Variants in STK25 observed in about 807,000 individuals in gnomAD.
The protein encoded by STK25 is serine/threonine-protein kinase 25.
In STK25, 29 loss-of-function variants were observed where a neutral mutation model predicts 53.8. The ratio of observed to expected loss-of-function variants is 0.54; its 90% CI spans 0.40 to 0.74. STK25 has a LOEUF of 0.74. Among genes scored for constraint, STK25 ranks in the 30% least tolerant of loss-of-function variants. STK25 has a pLI of 0.00. For synonymous variants in STK25, 247 were observed against 238.3 expected, an observed-to-expected ratio of 1.04 and a Z score of -0.33; for missense variants, 420 against 568.0, an observed-to-expected ratio of 0.74 and a Z score of 2.65.
chr2:241,505,082 A>G (rs2065744674), intron 2 of STK25, among the ~76,000 whole-genome samples: 1 of 105,004 alleles, frequency 9.5e-6, no homozygotes, highest in Non-Finnish European at 2.0e-5. Flanking sequence ...ATGCCCCGTT[A>G]ATTTTTTTTT....
rs1057346166 is a variant in STK25 at position 241,494,359 on chromosome 2, G to C, written c.*1303C>G. On this transcript the variant is annotated 3_prime_UTR_variant, in exon 12 of 12. Coordinates refer to ENST00000316586, the MANE Select transcript of STK25 (RefSeq NM_001271977.2). The surrounding 1 kb of genome is among the most constrained non-coding windows in gnomAD (Gnocchi z 4.9). ...GCCCTGGGAAAAATGTGCGAGTCTT[G>C]AGCGCGGAGCCGCTCAAGCCACAGC... 1.5e-5 allele frequency: 5 copies of C among 342,888 alleles called. No individual in the cohort carries two copies. In the South Asian group the frequency reaches 6.8e-4, roughly 47 times the overall value. 21.2% of individuals were successfully genotyped at this position (342,888 alleles called of 1,614,324 possible). A position where few individuals can be genotyped will look rare whatever the true frequency, so the allele number is the denominator to read the frequency against.
In STK25 at chr2:241,493,229, G is replaced by A; in HGVS notation, c.*2433C>T. The A allele has an allele frequency of 6.4e-7, 1 of 1,556,490 alleles. No individual in the cohort carries two copies. Among genetic ancestry groups the A allele is most frequent in the Non-Finnish European group, 8.8e-7 (1 of 1,132,964 alleles). On this transcript the variant is annotated 3_prime_UTR_variant, in exon 12 of 12. Coordinates refer to ENST00000316586, the MANE Select transcript of STK25 (RefSeq NM_001271977.2). The stretch of plus-strand genomic sequence containing the variant: ...ACGTGCCACCGTTGTGCAGGTAGCA[G>A]AGGAATGGGCATTCCCTGTGGCAAC...
chr2:241,504,034 C>A (rs1366529166), intron 2 of STK25: 3 of 471,228 alleles, frequency 6.4e-6, no homozygotes, highest in Non-Finnish European at 1.3e-5. Flanking sequence ...ACACAGGCCC[C>A]CACCTTGAAA....
chr2:241,500,197 G>A lies in STK25; in HGVS notation c.403C>T (p.Arg135Cys), dbSNP rs146467504. ...CCTTTGATGTCTCGGTGGATCTTGC[G>A]TTCGGAGTGCAGATAATCCAGGCCC... ...LKGLDYLHSE[R>C]KIHRDIKAAN... The change falls in exon 5 of 12, where the codon CGC (arginine) becomes TGC (cysteine). Residue 135 changes from arginine to cysteine, a missense_variant. Physicochemically the swap from Arg to Cys is radical, Grantham distance 180. Transcript: ENST00000316586. 14 of 1,612,220 alleles carry A rather than the reference G, an allele frequency of 8.7e-6. No individual in the cohort carries two copies. Among genetic ancestry groups the A allele is most frequent in the South Asian group, 4.4e-5 (4 of 90,928 alleles).
rs778830728 is a variant in STK25, at chr2:241,496,589, C to A, written c.1105-55G>T. On this transcript the variant is annotated intron_variant, in intron 10 of 11. Coordinates refer to ENST00000316586, the MANE Select transcript of STK25 (RefSeq NM_001271977.2). This position sits in a 1 kb window ranked among gnomAD's most constrained non-coding sequence, Gnocchi z 5.8. ...GACCCCAGGACAGGCCTTCAGGGAG[C>A]CTGCTCCTTTGCTCGGCCACAGTGA... The A allele has an allele frequency of 1.9e-6, 3 of 1,578,868 alleles. No homozygotes were observed. Among genetic ancestry groups the A allele is most frequent in the Non-Finnish European group, 2.6e-6 (3 of 1,157,506 alleles).
intron 1 of STK25, 134 bp downstream of exon 1, chr2:241,508,309 C>T: frequency 8.0e-7 from 1 of 1,247,352 alleles, no homozygotes. Flanking sequence ...CTCCCGTCGC[C>T]GCCCCCACCT....
chr2:241,498,498 T>A, intron 8 of STK25, 141 bp downstream of exon 8: 1 of 1,271,964 alleles, frequency 7.9e-7, no homozygotes, highest in Non-Finnish European at 1.1e-6. Context: ...CAGCAGGCCC[T>A]GTCCTGCAGC....
intron 2 of STK25, among the ~76,000 whole-genome samples, chr2:241,505,002 C>T (rs544300295): frequency 9.2e-5 from 14 of 151,676 alleles, no homozygotes; most frequent in Admixed American, 2.6e-4. Context: ...CTGCAACCTC[C>T]GCCTCCCAGG....
At chr2:241,508,295 G>A (rs2065981174) in intron 1 of STK25, 148 bp downstream of exon 1, 4 of 1,256,556 alleles carry the variant, frequency 3.2e-6, no homozygotes, top group South Asian at 2.6e-5. Flanking sequence ...GGGGCTCGCC[G>A]CCCCTCCCGT....
At chr2:241,505,045 T>A (rs1574962748) in intron 2 of STK25, among the ~76,000 whole-genome samples, 1 of 151,832 alleles carries the variant, frequency 6.6e-6, no homozygotes, top group African/African-American at 2.4e-5. Context: ...GCCTCCCGAG[T>A]AGCCGGACTT....
intron 5 of STK25, 150 bp downstream of exon 5, chr2:241,500,023 G>A (rs1017573011): frequency 1.4e-6 from 1 of 719,078 alleles, no homozygotes; most frequent in Non-Finnish European, 2.5e-6. Flanking sequence ...AAGGGAGCGA[G>A]ACAGGACTGC....
At position 241,495,532 on chromosome 2, in the gene STK25, G is replaced by T; in HGVS notation, c.*130C>A. 3 of 951,672 alleles carry T rather than the reference G, an allele frequency of 3.2e-6. No individual in the cohort carries two copies. The highest frequency in any genetic ancestry group is 2.1e-4 in the Middle Eastern group (1 of 4,668). The allele number at this position is 951,672 out of a possible 1,614,324, so 59.0% of individuals were successfully genotyped here. ...GGTGACCTGGTGACCTGGCATGTGA[G>T]GCCCACGGGATCCGACGTGTCCCTG... On this transcript the variant is annotated 3_prime_UTR_variant, in exon 12 of 12. Transcript: ENST00000316586.
intron 2 of STK25, among the ~76,000 whole-genome samples, chr2:241,504,644 C>CT (rs1408975373): frequency 1.3e-5 from 2 of 152,152 alleles, no homozygotes; most frequent in African/African-American, 4.8e-5. Context: ...AACATGCAAT[C>CT]TTTTTTTGAG....
At chr2:241,498,586 A>G in intron 8 of STK25, 53 bp downstream of exon 8, 2 of 1,568,578 alleles carry the variant, frequency 1.3e-6, no homozygotes, top group Non-Finnish European at 1.7e-6. Flanking sequence ...TGGAGTGGGG[A>G]CCACCCACGT....
At position 241,496,689 on chromosome 2, in the gene STK25, C is replaced by T; in HGVS notation, c.1105-155G>A. The T allele has an allele frequency of 2.5e-6, 2 of 787,262 alleles. No individual in the cohort carries two copies. Among genetic ancestry groups the T allele is most frequent in the Non-Finnish European group, 3.9e-6 (2 of 510,466 alleles). 48.8% of individuals were successfully genotyped at this position (787,262 alleles called of 1,614,324 possible). A position where few individuals can be genotyped will look rare whatever the true frequency, so the allele number is the denominator to read the frequency against. On this transcript the variant is annotated intron_variant, in intron 10 of 11. Transcript: ENST00000316586. The surrounding 1 kb of genome is among the most constrained non-coding windows in gnomAD (Gnocchi z 5.8). ...TCAGCAAGCCGGGAAGTGAGGTGGC[C>T]CAAGGAAGCCTCTGCCCCTGCCCTG...
Position 241,496,431 on chromosome 2 carries a change from T to A in STK25, c.1208A>T (p.Lys403Met), listed in dbSNP as rs372608064. The change falls in exon 11 of 12, where the codon AAG becomes ATG. Residue 403 changes from lysine to methionine, a missense_variant. By Grantham distance (95) the Lys-to-Met change is moderately conservative (BLOSUM62 -1). Coordinates refer to ENST00000316586, the MANE Select transcript of STK25 (RefSeq NM_001271977.2). This position sits in a 1 kb window ranked among gnomAD's most constrained non-coding sequence, Gnocchi z 5.8. ...TCGCTCCACCAGGTGCACCATCAGC[T>A]TGTCTGAGATGCCGGGGCAGGACTC... ...AEESCPGISD[K>M]LMVHLVERVQ... The A allele has an allele frequency of 1.9e-6, 3 of 1,613,504 alleles. No homozygotes were observed. Among genetic ancestry groups the A allele is most frequent in the Non-Finnish European group, 2.5e-6 (3 of 1,179,946 alleles).
chr2:241,500,568 G>A (rs1399150375), intron 4 of STK25, among the ~76,000 whole-genome samples, 172 bp downstream of exon 4: 1 of 152,192 alleles, frequency 6.6e-6, no homozygotes, highest in Non-Finnish European at 1.5e-5. Context: ...ACCCCTTTCA[G>A]CACCAACTGG....
chr2:241,500,137 G>A (rs955142640), intron 5 of STK25, 36 bp downstream of exon 5: 1 of 1,567,430 alleles, frequency 6.4e-7, no homozygotes, highest in Admixed American at 1.7e-5. Flanking sequence ...GTGGGGCTCA[G>A]GACGTTACAA....
At position 241,493,620 on chromosome 2, in the gene STK25, C is replaced by T. The variant is rs1353321664; in HGVS notation, c.*2042G>A. 5.0e-5 allele frequency: 30 copies of T among 596,622 alleles called. No homozygotes were observed. The highest frequency in any genetic ancestry group is 7.6e-5 in the Non-Finnish European group (26 of 340,338). 37.0% of individuals were successfully genotyped at this position (596,622 alleles called of 1,614,324 possible). A position where few individuals can be genotyped will look rare whatever the true frequency, so the allele number is the denominator to read the frequency against. On this transcript the variant is annotated 3_prime_UTR_variant, in exon 12 of 12. Transcript: ENST00000316586. Reference sequence around the variant, plus strand: ...TTGTTTTTTTTTTTTTTGGAGATGGCGTCTCCCTCTGTCACTCAGGCTGGA... The same window carrying T: ...TTGTTTTTTTTTTTTTTGGAGATGGTGTCTCCCTCTGTCACTCAGGCTGGA...
Sources: allele counts gnomAD v4.1 joint callset (sites outside exome capture counted in the v4.1 genomes callset), GRCh38; gene constraint gnomAD v4.1.1; non-coding constraint Gnocchi (gnomAD v3.1); transcripts MANE v1.5; gene names NCBI Gene and HGNC (gene_info 2026-07-23, HGNC 2026-07-21).